SORBS2: variants seen among roughly 807,000 people sequenced by gnomAD.
SORBS2 encodes sorbin and SH3 domain containing 2.
SORBS2 carries 46 observed loss-of-function variants against 97.7 expected under a neutral mutation model. The observed-to-expected ratio is 0.47, with a 90% confidence interval of 0.37 to 0.60. The LOEUF is 0.60. Ranked by LOEUF, SORBS2 falls within the 20% of genes least tolerant of loss-of-function variation. The pLI is 0.00. For synonymous variants in SORBS2, 476 were observed against 473.4 expected, an observed-to-expected ratio of 1.01 and a Z score of -0.07; for missense variants, 1,316 against 1,282.3, an observed-to-expected ratio of 1.03 and a Z score of -0.40.
At chr4:185,774,166 C>T (rs922759637) in intron 2 of SORBS2, 20 of 152,162 alleles carry the variant, frequency 1.3e-4, no homozygotes, top group African/African-American at 4.8e-4. Context: ...CCCCAAGGCA[C>T]ACGGAGATTC....
intron 1 of SORBS2, among the ~76,000 whole-genome samples, chr4:185,938,006 T>C (rs986805418): frequency 4.7e-4 from 51 of 108,794 alleles, no homozygotes; most frequent in African/African-American, 1.8e-3. Context: ...AGAGAAATCA[T>C]TCTTTTTTTT....
At chr4:185,592,714 C>T (rs1317556346) in intron 13 of SORBS2, 1 of 152,490 alleles carries the variant, frequency 6.6e-6, no homozygotes, top group East Asian at 1.9e-4. Flanking sequence ...TGCCATCACA[C>T]CTGACTAATT....
intron 4 of SORBS2, among the ~76,000 whole-genome samples, chr4:185,664,070 G>A (rs1056340810): frequency 6.6e-6 from 1 of 151,724 alleles, no homozygotes; most frequent in African/African-American, 2.4e-5. Context: ...TAGCCAGGAT[G>A]GTCTCGATCT....
intron 1 of SORBS2, among the ~76,000 whole-genome samples, chr4:185,879,176 C>CCCCCCCA: frequency 1.2e-5 from 1 of 85,184 alleles, no homozygotes; most frequent in Non-Finnish European, 2.3e-5. Context: ...CCCCCCCCCC[C>CCCCCCCA]ACCCCACGAC....
chr4:185,728,729 C>G (rs927830795), intron 2 of SORBS2, among the ~76,000 whole-genome samples: 1 of 152,182 alleles, frequency 6.6e-6, no homozygotes, highest in Non-Finnish European at 1.5e-5. Flanking sequence ...TCTTCTCTCC[C>G]AGGGTGACAT....
chr4:185,860,141 C>T (rs74850307), intron 1 of SORBS2, among the ~76,000 whole-genome samples: 10,563 of 152,084 alleles, frequency 0.069, 459 homozygotes, highest in East Asian at 0.14. Context: ...ATATAATGAG[C>T]AAATGGAGAT....
chr4:185,805,003 T>C (rs73873393), intron 1 of SORBS2, among the ~76,000 whole-genome samples: 197 of 152,246 alleles, frequency 1.3e-3, no homozygotes, highest in African/African-American at 3.9e-3. Context: ...TTCTTTCTTA[T>C]TCTTTTTTAT....
intron 1 of SORBS2, among the ~76,000 whole-genome samples, chr4:185,893,911 G>A (rs188887164): frequency 6.9e-4 from 105 of 152,272 alleles, no homozygotes; most frequent in African/African-American, 2.5e-3. Flanking sequence ...TCAGACTTTA[G>A]CCTTTTTTTC....
chr4:185,735,680 T>C (rs140548734), intron 2 of SORBS2, among the ~76,000 whole-genome samples: 138 of 152,218 alleles, frequency 9.1e-4, no homozygotes, highest in Non-Finnish European at 1.6e-3. Flanking sequence ...CATGAAAATA[T>C]TTACTGTGTG....
chr4:185,935,562 A>T (rs374640333), intron 1 of SORBS2, among the ~76,000 whole-genome samples: 1 of 152,234 alleles, frequency 6.6e-6, no homozygotes, highest in Admixed American at 6.5e-5. Context: ...CAAAAGGCCA[A>T]CATTTTACCA....
intron 4 of SORBS2, among the ~76,000 whole-genome samples, chr4:185,643,914 A>G (rs1389279913): frequency 6.6e-6 from 1 of 152,048 alleles, no homozygotes; most frequent in Admixed American, 6.6e-5. Context: ...CTGCTCTTCA[A>G]CCTCTAGCCT....
chr4:185,795,871 T>C (rs2099102407), intron 1 of SORBS2, among the ~76,000 whole-genome samples: 1 of 152,176 alleles, frequency 6.6e-6, no homozygotes, highest in Non-Finnish European at 1.5e-5. Context: ...TTCCATGTCT[T>C]GTTTTCCCAA....
intron 1 of SORBS2, among the ~76,000 whole-genome samples, chr4:185,654,520 T>C (rs2153463926): frequency 6.6e-6 from 1 of 152,204 alleles, no homozygotes; most frequent in South Asian, 2.1e-4. Context: ...TCAGGTAGGA[T>C]CTCACAGTGA....
chr4:185,866,033 G>A (rs935019850), intron 1 of SORBS2, among the ~76,000 whole-genome samples: 2 of 152,130 alleles, frequency 1.3e-5, no homozygotes, highest in African/African-American at 4.8e-5. Context: ...TGTACAAATT[G>A]CCAAAGGAAA....
chr4:185,896,454 C>T (rs1273396226), intron 1 of SORBS2, among the ~76,000 whole-genome samples: 1 of 152,080 alleles, frequency 6.6e-6, no homozygotes, highest in South Asian at 2.1e-4. Flanking sequence ...TTTGTTGGTG[C>T]ACGCCTGTAA....
At chr4:185,665,452 G>T (rs2097581930) in intron 4 of SORBS2, among the ~76,000 whole-genome samples, 1 of 152,110 alleles carries the variant, frequency 6.6e-6, no homozygotes, top group Non-Finnish European at 1.5e-5. Flanking sequence ...AGCTAATAAG[G>T]CAAATCACTG....
intron 2 of SORBS2, among the ~76,000 whole-genome samples, chr4:185,735,977 A>G (rs1488060488): frequency 2.0e-5 from 3 of 152,224 alleles, no homozygotes; most frequent in African/African-American, 7.2e-5. Flanking sequence ...TCTTATATCA[A>G]TAACACACAA....
At chr4:185,778,690 G>C (rs1270697619) in intron 1 of SORBS2, among the ~76,000 whole-genome samples, 2 of 152,144 alleles carry the variant, frequency 1.3e-5, no homozygotes, top group Middle Eastern at 3.2e-3. Flanking sequence ...GCTGATTCCA[G>C]ATTAAAGCAA....
intron 1 of SORBS2, among the ~76,000 whole-genome samples, chr4:185,838,977 T>A (rs912740908): frequency 6.6e-6 from 1 of 152,208 alleles, no homozygotes. Context: ...CAGGCACCGC[T>A]GCTTTCCATG....
Sources: allele counts gnomAD v4.1 joint callset (sites outside exome capture counted in the v4.1 genomes callset), GRCh38; gene constraint gnomAD v4.1.1; transcripts MANE v1.5; gene names NCBI Gene and HGNC (gene_info 2026-07-23, HGNC 2026-07-21).